Variants in GIPC3 observed in about 807,000 individuals in gnomAD.
GIPC3 encodes the protein GIPC PDZ domain containing family member 3.
Under a neutral mutation model 27.3 loss-of-function variants are expected in GIPC3, and 16 were observed. The ratio of observed to expected loss-of-function variants is 0.59; its 90% CI spans 0.40 to 0.89. The LOEUF (loss-of-function observed/expected upper bound fraction) is 0.89, where lower values mean the gene tolerates loss of function less well. Among genes scored for constraint, GIPC3 ranks in the 40% least tolerant of loss-of-function variants. The pLI, the probability that GIPC3 is intolerant of heterozygous loss-of-function variation, is 0.00. For synonymous variants in GIPC3, 194 were observed against 184.6 expected, an observed-to-expected ratio of 1.05 and a Z score of -0.41; for missense variants, 440 against 442.1, an observed-to-expected ratio of 1.00 and a Z score of 0.04.
intron 3 of GIPC3, among the ~76,000 whole-genome samples, chr19:3,587,419 C>T (rs1016746935): frequency 1.3e-5 from 2 of 151,866 alleles, no homozygotes; most frequent in Non-Finnish European, 2.9e-5. Flanking sequence ...GTAGCTGGGA[C>T]TACAGGCACC....
At position 3,586,017 on chromosome 19, in the gene GIPC3, C is replaced by T. The variant is rs571308161; in HGVS notation, c.225+195C>T. 6.6e-5 allele frequency among the ~76,000 whole-genome samples: 10 copies of T among 152,312 alleles called. No homozygotes were observed. In the South Asian group the frequency reaches 2.1e-3, roughly 32 times the overall value. On this transcript the variant is annotated intron_variant, in intron 1 of 5. Transcript: ENST00000644452. ...CCAGGGGCCCCCTTTGCACGCTCTG[C>T]GCAAAAGATGGGCAGGTCTTAGGAC... is the stretch of plus-strand genomic sequence containing the variant.
In GIPC3 at chr19:3,586,815, G is replaced by C. The variant is rs2032375128; in HGVS notation, c.413G>C (p.Arg138Thr). The change falls in exon 3 of 6, where the codon AGA becomes ACA. Residue 138 changes from arginine to threonine, a missense_variant and splice_region_variant. Coordinates refer to ENST00000644452, the MANE Select transcript of GIPC3 (RefSeq NM_133261.3). ...GCCAGCGACGCTGGATCCCTGCAGA[G>C]AATCAAGGAAGGCAGTATCATCAAC... ...DNGAGYAFIKRIKEGSIINRI... is the reference protein window; with the variant it reads ...DNGAGYAFIKTIKEGSIINRI... 1 of 1,613,412 alleles carries C rather than the reference G, an allele frequency of 6.2e-7. No individual in the cohort carries two copies. Among genetic ancestry groups the C allele is most frequent in the Non-Finnish European group, 8.5e-7 (1 of 1,179,980 alleles).
chr19:3,589,242 C>T (rs1360962031), intron 3 of GIPC3, among the ~76,000 whole-genome samples: 1 of 152,208 alleles, frequency 6.6e-6, no homozygotes, highest in African/African-American at 2.4e-5. Context: ...TACAACACCT[C>T]ATTCTGGACT....
At position 3,585,777 on chromosome 19, in the gene GIPC3, G is replaced by T. The variant is rs2145268529; in HGVS notation, c.180G>T (p.Glu60Asp). ...GKIEGFTNVR[E>D]LYAKIAEAFG... ...TCGAGGGCTTCACCAACGTCCGCGAGCTGTACGCCAAGATCGCCGAAGCCT... is the reference window on the plus strand; with the variant it reads ...TCGAGGGCTTCACCAACGTCCGCGATCTGTACGCCAAGATCGCCGAAGCCT... The change falls in exon 1 of 6, where the codon GAG becomes GAT. Residue 60 changes from glutamate to aspartate, a missense_variant. Glu to Asp is a conservative substitution (Grantham distance 45, BLOSUM62 2). Coordinates refer to ENST00000644452, the MANE Select transcript of GIPC3 (RefSeq NM_133261.3). 1.3e-6 allele frequency: 2 copies of T among 1,548,130 alleles called. No individual in the cohort carries two copies. Among genetic ancestry groups the T allele is most frequent in the East Asian group, 2.5e-5 (1 of 40,712 alleles).
Position 3,590,119 on chromosome 19 carries a change from T to C in GIPC3, c.868T>C (p.Phe290Leu), listed in dbSNP as rs367940867. Residue 290 changes from phenylalanine to leucine, a missense_variant, in exon 6 of 6, where the codon TTC (phenylalanine) becomes CTC (leucine). Physicochemically the swap from Phe to Leu is conservative, Grantham distance 22. Transcript: ENST00000644452. ...CTGTTTAGACTCCGTCTTGGGCGAG[T>C]TCGCCTTCCCCGACGAGTTTGTGGT... ...ARCLDSVLGE[F>L]AFPDEFVVEV... The C allele has an allele frequency of 6.2e-7, 1 of 1,611,258 alleles. No individual in the cohort carries two copies. Among genetic ancestry groups the C allele is most frequent in the African/African-American group, 1.3e-5 (1 of 74,890 alleles).
chr19:3,592,149 G>C lies in GIPC3; in HGVS notation c.*1959G>C. 1 of 1,232,048 alleles carries C rather than the reference G, an allele frequency of 8.1e-7. No individual in the cohort carries two copies. The highest frequency in any genetic ancestry group is 1.0e-6 in the Non-Finnish European group (1 of 988,084). 76.3% of individuals were successfully genotyped at this position (1,232,048 alleles called of 1,614,324 possible). ...CGCAGCAATAGAATTAAGCTCCACA[G>C]CCCTGTCTAGTTCCGACAGCAGGTC... On this transcript the variant is annotated 3_prime_UTR_variant, in exon 6 of 6. Transcript: ENST00000644452.
At position 3,593,042 on chromosome 19, in the gene GIPC3, C is replaced by T. The variant is rs34425775; in HGVS notation, c.*2852C>T. 4,754 of 1,232,126 alleles carry T rather than the reference C, an allele frequency of 3.9e-3. 160 individuals carry two copies. The African/African-American group carries it at 0.068, about 18-fold the overall frequency. The allele number at this position is 1,232,126 out of a possible 1,614,324, so 76.3% of individuals were successfully genotyped here. On this transcript the variant is annotated 3_prime_UTR_variant, in exon 6 of 6. Transcript: ENST00000644452. ...AGGCCAGCCTTGGCCCCATCCCAGG[C>T]TTACCCCAAGCCTCCTACCTGGCCC... is the stretch of plus-strand genomic sequence containing the variant.
chr19:3,592,085 A>G lies in GIPC3; in HGVS notation c.*1895A>G, dbSNP rs999978232. The G allele has an allele frequency of 8.9e-6, 11 of 1,232,038 alleles. No individual in the cohort carries two copies. The highest frequency in any genetic ancestry group is 1.0e-5 in the Non-Finnish European group (10 of 988,108). The allele number at this position is 1,232,038 out of a possible 1,614,324, so 76.3% of individuals were successfully genotyped here. A position where few individuals can be genotyped will look rare whatever the true frequency, so the allele number is the denominator to read the frequency against. On this transcript the variant is annotated 3_prime_UTR_variant, in exon 6 of 6. Transcript: ENST00000644452. ...CCCAGCCAAGTTCCAGAATCCAGCT[A>G]AGCTCTGGAGTCCAATCTAGTCCTG...
intron 3 of GIPC3, among the ~76,000 whole-genome samples, chr19:3,587,815 C>T (rs956070495): frequency 2.0e-5 from 3 of 151,356 alleles, no homozygotes; most frequent in African/African-American, 4.9e-5. Flanking sequence ...CTCAGCCTCC[C>T]GAGTAGCTGG....
At position 3,590,769 on chromosome 19, in the gene GIPC3, C is replaced by T; in HGVS notation, c.*579C>T. ...AACTCAGATGGGCTCTGAGACCGAG[C>T]CCAGCTCTAGAACTCAGATGGGCTC... On this transcript the variant is annotated 3_prime_UTR_variant, in exon 6 of 6. Transcript: ENST00000644452. 1 of 1,235,030 alleles carries T rather than the reference C, an allele frequency of 8.1e-7. No individual in the cohort carries two copies. The highest frequency in any genetic ancestry group is 1.0e-6 in the Non-Finnish European group (1 of 990,026). The allele number at this position is 1,235,030 out of a possible 1,614,324, so 76.5% of individuals were successfully genotyped here.
intron 5 of GIPC3, 53 bp from the exon 6 acceptor site, chr19:3,589,986 A>G: frequency 6.2e-7 from 1 of 1,613,122 alleles, no homozygotes; most frequent in Admixed American, 1.7e-5. Context: ...TCCCAGCGGG[A>G]AGTTGGGCGC....
Position 3,591,101 on chromosome 19 carries a change from T to G in GIPC3, c.*911T>G. 8.1e-7 allele frequency: 1 copy of G among 1,233,516 alleles called. No individual in the cohort carries two copies. Among genetic ancestry groups the G allele is most frequent in the Non-Finnish European group, 1.0e-6 (1 of 988,976 alleles). 76.4% of individuals were successfully genotyped at this position (1,233,516 alleles called of 1,614,324 possible). ...CCACATCTGAAGCCAAGCCCAGCTC[T>G]AGAACTCAGGTCAGCCCTGAGACCA... On this transcript the variant is annotated 3_prime_UTR_variant, in exon 6 of 6. Coordinates refer to ENST00000644452, the MANE Select transcript of GIPC3 (RefSeq NM_133261.3).
rs1056118855 is a variant in GIPC3, at chr19:3,590,363, T to C, written c.*173T>C. 1 of 1,439,110 alleles carries C rather than the reference T, an allele frequency of 6.9e-7. No individual in the cohort carries two copies. The highest frequency in any genetic ancestry group is 9.1e-7 in the Non-Finnish European group (1 of 1,100,992). The allele number at this position is 1,439,110 out of a possible 1,614,324, so 89.1% of individuals were successfully genotyped here. A position where few individuals can be genotyped will look rare whatever the true frequency, so the allele number is the denominator to read the frequency against. On this transcript the variant is annotated 3_prime_UTR_variant, in exon 6 of 6. Coordinates refer to ENST00000644452, the MANE Select transcript of GIPC3 (RefSeq NM_133261.3). Reference sequence around the variant, plus strand: ...CCTTCTCTAGAATCCAGCCCAGATCTGAGGCCAAGCTATGTGCTAGAGCCC... The same window carrying C: ...CCTTCTCTAGAATCCAGCCCAGATCCGAGGCCAAGCTATGTGCTAGAGCCC...
Position 3,586,674 on chromosome 19 carries a change from C to T in GIPC3, c.405C>T (p.Phe135=). 1 of 881,052 alleles carries T rather than the reference C, an allele frequency of 1.1e-6. No homozygotes were observed. Among genetic ancestry groups the T allele is most frequent in the Non-Finnish European group, 1.8e-6 (1 of 554,710 alleles). The allele number at this position is 881,052 out of a possible 1,614,324, so 54.6% of individuals were successfully genotyped here. A position where few individuals can be genotyped will look rare whatever the true frequency, so the allele number is the denominator to read the frequency against. The change falls in exon 2 of 6, where the codon TTC becomes TTT. Residue 135 remains phenylalanine (F), a synonymous_variant. Transcript: ENST00000644452. ...TITDNGAGYA[F]IKRIKEGSII... Reference sequence around the variant, plus strand: ...CGGACAACGGGGCTGGCTACGCCTTCATCAAGGTGCCCGGGAGGGGGTGGG... The same window carrying T: ...CGGACAACGGGGCTGGCTACGCCTTTATCAAGGTGCCCGGGAGGGGGTGGG...
chr19:3,589,718 T>G, intron 4 of GIPC3, 113 bp from the exon 5 acceptor site: 3 of 1,168,058 alleles, frequency 2.6e-6, no homozygotes, highest in Non-Finnish European at 3.8e-6. Flanking sequence ...CCAGCACTAC[T>G]GACTCGTGTG....
In GIPC3 at chr19:3,590,092, C is replaced by T. The variant is rs747730761; in HGVS notation, c.841C>T (p.Arg281Cys). Residue 281 changes from arginine (R) to cysteine (C), a missense_variant, in exon 6 of 6, where the codon CGC becomes TGC. Arg to Cys is a radical substitution (Grantham distance 180). Transcript: ENST00000644452. ...GACAGCGAGCGCCCAGGAGTTTGCA[C>T]GCTGTTTAGACTCCGTCTTGGGCGA... ...KKTASAQEFA[R>C]CLDSVLGEFA... The T allele has an allele frequency of 1.1e-5, 17 of 1,611,332 alleles. No individual in the cohort carries two copies. Among genetic ancestry groups the T allele is most frequent in the South Asian group, 9.9e-5 (9 of 90,752 alleles).
At position 3,585,774 on chromosome 19, in the gene GIPC3, C is replaced by T; in HGVS notation, c.177C>T (p.Arg59=). Residue 59 remains arginine, a synonymous_variant, in exon 1 of 6, where the codon CGC becomes CGT. Transcript: ENST00000644452. ...AGATCGAGGGCTTCACCAACGTCCG[C>T]GAGCTGTACGCCAAGATCGCCGAAG... ...TGKIEGFTNV[R]ELYAKIAEAF... 5.2e-6 allele frequency: 8 copies of T among 1,548,044 alleles called. No individual in the cohort carries two copies. Among genetic ancestry groups the T allele is most frequent in the Non-Finnish European group, 7.0e-6 (8 of 1,146,398 alleles).
rs2032457513 is a variant in GIPC3 at position 3,590,123 on chromosome 19, C to T, written c.872C>T (p.Ala291Val). ...RCLDSVLGEFAFPDEFVVEVW... is the reference protein window; with the variant it reads ...RCLDSVLGEFVFPDEFVVEVW... ...TTAGACTCCGTCTTGGGCGAGTTCGCCTTCCCCGACGAGTTTGTGGTGGAA... is the reference window on the plus strand; with the variant it reads ...TTAGACTCCGTCTTGGGCGAGTTCGTCTTCCCCGACGAGTTTGTGGTGGAA... The change falls in exon 6 of 6, where the codon GCC becomes GTC. Residue 291 changes from alanine (A) to valine (V), a missense_variant. Coordinates refer to ENST00000644452, the MANE Select transcript of GIPC3 (RefSeq NM_133261.3). The T allele has an allele frequency of 3.7e-6, 6 of 1,611,268 alleles. No homozygotes were observed. Among genetic ancestry groups the T allele is most frequent in the Non-Finnish European group, 5.1e-6 (6 of 1,179,098 alleles).
Position 3,588,837 on chromosome 19 carries a change from G to A in GIPC3, c.593-606G>A, listed in dbSNP as rs576688168. ...CAGGTGCCTGTAATCCCAGCTACTC[G>A]AGAGGCTGAGGCAGGAGAATCGCTT... On this transcript the variant is annotated intron_variant, in intron 3 of 5. Coordinates refer to ENST00000644452, the MANE Select transcript of GIPC3 (RefSeq NM_133261.3). Among the ~76,000 whole-genome samples, 4 of 151,670 alleles carry A rather than the reference G, an allele frequency of 2.6e-5. No individual in the cohort carries two copies. The South Asian group carries it at 8.3e-4, about 32-fold the overall frequency.
Sources: allele counts gnomAD v4.1 joint callset (sites outside exome capture counted in the v4.1 genomes callset), GRCh38; gene constraint gnomAD v4.1.1; transcripts MANE v1.5; gene names NCBI Gene and HGNC (gene_info 2026-07-23, HGNC 2026-07-21).